The following PRKN variants were observed in gnomAD, a reference collection of about 807,000 sequenced individuals.
PRKN encodes the protein E3 ubiquitin-protein ligase parkin.
Under a neutral mutation model 59.5 loss-of-function variants are expected in PRKN, and 56 were observed. The observed-to-expected ratio is 0.94, with a 90% CI of 0.76 to 1.18. The LOEUF (loss-of-function observed/expected upper bound fraction) is 1.18, where lower values mean the gene tolerates loss of function less well. PRKN is among the 50% of genes most tolerant of loss of function. The probability of loss-of-function intolerance (pLI) is 0.00; values close to 1 mark genes in which losing one functional copy is unlikely to be tolerated. For synonymous variants in PRKN, 250 were observed against 222.1 expected, an observed-to-expected ratio of 1.13 and a Z score of -1.12; for missense variants, 657 against 596.4, an observed-to-expected ratio of 1.10 and a Z score of -1.06.
intron 1 of PRKN, among the ~76,000 whole-genome samples, chr6:162,663,390 AG>A (rs1468138129): frequency 1.3e-5 from 2 of 151,718 alleles, no homozygotes; most frequent in Non-Finnish European, 2.9e-5. Context: ...TGTGCTACCC[AG>A]GAAGAAACTG....
In PRKN at chr6:162,078,859, C is replaced by G. The variant is rs570867776; in HGVS notation, c.535-24685G>C. On this transcript the variant is annotated intron_variant, in intron 4 of 11. Coordinates refer to ENST00000366898, the MANE Select transcript of PRKN (RefSeq NM_004562.3). Reference sequence around the variant, plus strand: ...GGGTTACTAAGCAAGATTATTAATACTTAATAATTAATACTTAATAATTAA... The same window carrying G: ...GGGTTACTAAGCAAGATTATTAATAGTTAATAATTAATACTTAATAATTAA... 5.7e-5 allele frequency among the ~76,000 whole-genome samples: 7 copies of G among 123,036 alleles called. No homozygotes were observed. In the East Asian group the frequency reaches 1.7e-3, roughly 31 times the overall value. 80.7% of individuals were successfully genotyped at this position (123,036 alleles called of 152,430 possible).
At chr6:162,010,282 T>A (rs1272549724) in intron 5 of PRKN, among the ~76,000 whole-genome samples, 1 of 126,176 alleles carries the variant, frequency 7.9e-6, no homozygotes, top group Non-Finnish European at 1.6e-5. Flanking sequence ...TTATGTATGA[T>A]AAATATATTT....
At chr6:162,000,859 G>A (rs920621210) in intron 5 of PRKN, among the ~76,000 whole-genome samples, 1 of 148,110 alleles carries the variant, frequency 6.8e-6, no homozygotes, top group African/African-American at 2.5e-5. Flanking sequence ...TTTTGTTTTT[G>A]CATGTTTGCA....
At chr6:162,126,272 G>C (rs1399381613) in intron 4 of PRKN, among the ~76,000 whole-genome samples, 1 of 152,122 alleles carries the variant, frequency 6.6e-6, no homozygotes, top group African/African-American at 2.4e-5. Context: ...GCATGTGGAC[G>C]TGCTATCAGG....
intron 5 of PRKN, among the ~76,000 whole-genome samples, chr6:162,005,225 G>A (rs1782203079): frequency 1.3e-5 from 2 of 152,092 alleles, no homozygotes; most frequent in Non-Finnish European, 2.9e-5. Flanking sequence ...CAAACTTTGG[G>A]GACTTTTAGT....
At position 161,466,315 on chromosome 6, in the gene PRKN, T is replaced by C. The variant is rs1050482099; in HGVS notation, c.1084-79438A>G. On this transcript the variant is annotated intron_variant, in intron 9 of 11. Transcript: ENST00000366898. This position sits in a 1 kb window ranked among gnomAD's most constrained non-coding sequence, Gnocchi z 5.0. ...AACATTCTCTTCCAGGAAAGTCTTATTACTTTTAGTAATTTTCTTCACTTA... is the reference window on the plus strand; with the variant it reads ...AACATTCTCTTCCAGGAAAGTCTTACTACTTTTAGTAATTTTCTTCACTTA... Among the ~76,000 whole-genome samples the C allele has an allele frequency of 6.6e-6, 1 of 152,232 alleles. No homozygotes were observed. The highest frequency in any genetic ancestry group is 1.5e-5 in the Non-Finnish European group (1 of 68,034).
rs1777877607 is a variant in PRKN at position 162,056,626 on chromosome 6, G to C, written c.535-2452C>G. 6.6e-6 allele frequency among the ~76,000 whole-genome samples: 1 copy of C among 152,186 alleles called. No individual in the cohort carries two copies. Among genetic ancestry groups the C allele is most frequent in the East Asian group, 1.9e-4 (1 of 5,192 alleles). ...TTTGAAAAGCCTGCTTTCAAGCTTG[G>C]CCCTTGGCTGGCATCTGGGAATGTG... On this transcript the variant is annotated intron_variant, in intron 4 of 11. Coordinates refer to ENST00000366898, the MANE Select transcript of PRKN (RefSeq NM_004562.3). The surrounding 1 kb of genome is among the most constrained non-coding windows in gnomAD (Gnocchi z 4.9).
At chr6:162,573,720 G>A (rs1012424) in intron 1 of PRKN, among the ~76,000 whole-genome samples, 65,093 of 151,612 alleles carry the variant, frequency 0.43, 14,594 homozygotes, top group East Asian at 0.71. Flanking sequence ...GCATCTTTCC[G>A]TACTTTTCTC....
chr6:161,838,247 C>G (rs1381385213), intron 6 of PRKN, among the ~76,000 whole-genome samples: 4 of 152,196 alleles, frequency 2.6e-5, no homozygotes, highest in African/African-American at 9.7e-5. Flanking sequence ...TGTAGAAACT[C>G]ATGACCCAAA....
In PRKN at chr6:162,186,488, G is replaced by A. The variant is rs951124407; in HGVS notation, c.534+14643C>T. 3.4e-4 allele frequency among the ~76,000 whole-genome samples: 51 copies of A among 151,406 alleles called. 1 individual carries two copies. The highest frequency in any genetic ancestry group is 1.2e-3 in the African/African-American group (48 of 41,112). On this transcript the variant is annotated intron_variant, in intron 4 of 11. Coordinates refer to ENST00000366898, the MANE Select transcript of PRKN (RefSeq NM_004562.3). ...GATAATGTTTGAAGGTGATTTCTTTGTGGAAGAAAAGGGCTTCTATGGAAA... is the reference window on the plus strand; with the variant it reads ...GATAATGTTTGAAGGTGATTTCTTTATGGAAGAAAAGGGCTTCTATGGAAA...
At chr6:162,481,504 G>A (rs967640987) in intron 1 of PRKN, among the ~76,000 whole-genome samples, 13 of 152,126 alleles carry the variant, frequency 8.5e-5, no homozygotes, top group African/African-American at 3.1e-4. Context: ...GGAAATTCAA[G>A]GGCAGGCAGA....
At chr6:162,453,039 A>G (rs1414646574) in intron 1 of PRKN, among the ~76,000 whole-genome samples, 1 of 152,184 alleles carries the variant, frequency 6.6e-6, no homozygotes, top group Non-Finnish European at 1.5e-5. Flanking sequence ...GAAAAGGTGG[A>G]TCGCAAGGCT....
At chr6:162,133,862 A>G (rs936254568) in intron 4 of PRKN, among the ~76,000 whole-genome samples, 1 of 152,164 alleles carries the variant, frequency 6.6e-6, no homozygotes. Flanking sequence ...GAGTGGTAGG[A>G]GGAAATGACA....
At chr6:162,629,534 G>T (rs1221794137) in intron 1 of PRKN, among the ~76,000 whole-genome samples, 2 of 152,068 alleles carry the variant, frequency 1.3e-5, no homozygotes, top group African/African-American at 4.8e-5. Context: ...TTAAAGGAAT[G>T]ATGCTTTACA....
chr6:162,407,099 C>T (rs1287530493), intron 2 of PRKN, among the ~76,000 whole-genome samples: 1 of 152,216 alleles, frequency 6.6e-6, no homozygotes, highest in East Asian at 1.9e-4. Context: ...CTTTCCCTTG[C>T]CCACTTCCAA....
At position 161,732,481 on chromosome 6, in the gene PRKN, T is replaced by TG. The variant is rs1554298354; in HGVS notation, c.871+53290_871+53291insC. 2.5e-3 allele frequency among the ~76,000 whole-genome samples: 324 copies of TG among 130,294 alleles called. 4 individuals are homozygous for TG. Among genetic ancestry groups the TG allele is most frequent in the African/African-American group, 0.015 (314 of 21,470 alleles). The allele number at this position is 130,294 out of a possible 152,430, so 85.5% of individuals were successfully genotyped here. A position where few individuals can be genotyped will look rare whatever the true frequency, so the allele number is the denominator to read the frequency against. On this transcript the variant is annotated intron_variant, in intron 7 of 11. Coordinates refer to ENST00000366898, the MANE Select transcript of PRKN (RefSeq NM_004562.3). Reference sequence around the variant, plus strand: ...GCTTGCATTTCTTCAGAGGTTTTTTTTTTTTGTGTGTGTGTGTGTGTGGAG... The same window carrying TG: ...GCTTGCATTTCTTCAGAGGTTTTTTTGTTTTTGTGTGTGTGTGTGTGTGGAG...
intron 6 of PRKN, among the ~76,000 whole-genome samples, chr6:161,820,921 A>T (rs1791996116): frequency 6.6e-6 from 1 of 151,874 alleles, no homozygotes; most frequent in Admixed American, 6.6e-5. Context: ...CCAATATGAC[A>T]CTATGTAATA....
chr6:162,134,217 T>A (rs1270093087), intron 4 of PRKN, among the ~76,000 whole-genome samples: 1 of 152,148 alleles, frequency 6.6e-6, no homozygotes, highest in Non-Finnish European at 1.5e-5. Flanking sequence ...AACTGAACAC[T>A]ACAGTGGAAG....
chr6:161,732,465 T>C (rs980297150), intron 7 of PRKN, among the ~76,000 whole-genome samples: 1 of 137,958 alleles, frequency 7.2e-6, no homozygotes, highest in Non-Finnish European at 1.5e-5. Context: ...AGCTTGCATT[T>C]CTTCAGAGGT....
Sources: allele counts gnomAD v4.1 joint callset (sites outside exome capture counted in the v4.1 genomes callset), GRCh38; gene constraint gnomAD v4.1.1; non-coding constraint Gnocchi (gnomAD v3.1); transcripts MANE v1.5; gene names NCBI Gene and HGNC (gene_info 2026-07-23, HGNC 2026-07-21).